Variants in SMURF1 observed in about 807,000 individuals in gnomAD.
SMURF1 encodes E3 ubiquitin-protein ligase SMURF1.
A neutral mutation model predicts 98.0 loss-of-function variants in SMURF1; 44 were observed. The observed-to-expected ratio is 0.45, with a 90% CI of 0.35 to 0.58. SMURF1 has a LOEUF of 0.58. Among genes scored for constraint, SMURF1 ranks in the 20% least tolerant of loss-of-function variants. The pLI is 0.00. For missense variants in SMURF1, 687 were observed against 938.4 expected, an observed-to-expected ratio of 0.73 and a Z score of 3.50; for synonymous variants, 396 against 374.9, an observed-to-expected ratio of 1.06 and a Z score of -0.65.
chr7:99,136,857 G>T (rs1036834304), intron 1 of SMURF1, among the ~76,000 whole-genome samples: 1 of 152,090 alleles, frequency 6.6e-6, no homozygotes, highest in African/African-American at 2.4e-5. Context: ...GGCTGAGGTG[G>T]GAGGATCACT....
intron 1 of SMURF1, among the ~76,000 whole-genome samples, chr7:99,134,077 GA>G (rs1310657587): frequency 6.8e-6 from 1 of 146,774 alleles, no homozygotes; most frequent in African/African-American, 2.5e-5. Context: ...TCTAGATCAG[GA>G]AAAGTGCTTC....
At position 99,039,193 on chromosome 7, in the gene SMURF1, CAAAAAAAAAA is replaced by C. The variant is rs34106810; in HGVS notation, c.1551-678_1551-669del. On this transcript the variant is annotated intron_variant, in intron 13 of 17. Coordinates refer to ENST00000361368, the MANE Select transcript of SMURF1 (RefSeq NM_181349.3). ...TGGGTGACAGAGCAAGACTCTGTCTCAAAAAAAAAAAAAAAAAAAAAAAAAAATACTGTTC... is the reference window on the plus strand; with the variant it reads ...TGGGTGACAGAGCAAGACTCTGTCTCAAAAAAAAAAAAAAAAATACTGTTC... Among the ~76,000 whole-genome samples, 213 of 60,494 alleles carry C rather than the reference CAAAAAAAAAA, an allele frequency of 3.5e-3. 8 individuals are homozygous for C. The South Asian group carries it at 0.12, about 34-fold the overall frequency. The allele number at this position is 60,494 out of a possible 152,430, so 39.7% of individuals were successfully genotyped here. A position where few individuals can be genotyped will look rare whatever the true frequency, so the allele number is the denominator to read the frequency against.
chr7:99,078,838 G>A (rs1227869839), intron 1 of SMURF1, among the ~76,000 whole-genome samples: 2 of 152,210 alleles, frequency 1.3e-5, no homozygotes, highest in African/African-American at 4.8e-5. Context: ...ATGGTGAGTT[G>A]TAGAATTATT....
chr7:99,067,458 T>C (rs1267379948), intron 1 of SMURF1, among the ~76,000 whole-genome samples: 2 of 152,164 alleles, frequency 1.3e-5, no homozygotes, highest in Non-Finnish European at 2.9e-5. Context: ...CCCCTCTACC[T>C]TAGCCAGATC....
At chr7:99,066,630 T>C (rs1046125615) in intron 1 of SMURF1, among the ~76,000 whole-genome samples, 1 of 151,622 alleles carries the variant, frequency 6.6e-6, no homozygotes, top group African/African-American at 2.4e-5. Context: ...ATACAAAAAT[T>C]AGCCAGGCAA....
In SMURF1 at chr7:99,029,887, C is replaced by T. The variant is rs1403891008; in HGVS notation, c.*697G>A. The T allele has an allele frequency of 6.6e-6, 1 of 152,148 alleles. No homozygotes were observed. Among genetic ancestry groups the T allele is most frequent in the Non-Finnish European group, 1.5e-5 (1 of 68,018 alleles). 9.4% of individuals were successfully genotyped at this position (152,148 alleles called of 1,614,324 possible). A position where few individuals can be genotyped will look rare whatever the true frequency, so the allele number is the denominator to read the frequency against. On this transcript the variant is annotated 3_prime_UTR_variant, in exon 18 of 18. Coordinates refer to ENST00000361368, the MANE Select transcript of SMURF1 (RefSeq NM_181349.3). ...GGGACCCTTAAAAGATCGTTTTTCT[C>T]TATGTAAAACAAAATTTTCAGCCAA...
intron 1 of SMURF1, among the ~76,000 whole-genome samples, chr7:99,073,141 G>C (rs950458129): frequency 6.6e-6 from 1 of 152,242 alleles, no homozygotes; most frequent in South Asian, 2.1e-4. Flanking sequence ...AGTCTGGGAG[G>C]CCGAGGCGGG....
chr7:99,096,164 G>A (rs886085294), intron 1 of SMURF1, among the ~76,000 whole-genome samples: 2 of 152,146 alleles, frequency 1.3e-5, no homozygotes, highest in Non-Finnish European at 2.9e-5. Context: ...TGACCAGGAC[G>A]CCTAAATCAT....
chr7:99,034,322 GGCTAAA>G (rs1366218219), intron 16 of SMURF1, among the ~76,000 whole-genome samples: 4 of 152,200 alleles, frequency 2.6e-5, no homozygotes, highest in Non-Finnish European at 4.4e-5. Flanking sequence ...GAGGACACTG[GGCTAAA>G]GTCTATCCAA....
chr7:99,097,181 T>C (rs1368629269), intron 1 of SMURF1, among the ~76,000 whole-genome samples: 3 of 152,136 alleles, frequency 2.0e-5, no homozygotes, highest in African/African-American at 7.2e-5. Context: ...AAATCAGGCA[T>C]CTAAGCTTCT....
chr7:99,140,602 T>C, intron 1 of SMURF1, among the ~76,000 whole-genome samples: 1 of 152,064 alleles, frequency 6.6e-6, no homozygotes, highest in East Asian at 1.9e-4. Flanking sequence ...TTTGTATTTC[T>C]AGTAGAGACG....
At chr7:99,127,231 T>A (rs1563041496) in intron 1 of SMURF1, among the ~76,000 whole-genome samples, 1 of 152,046 alleles carries the variant, frequency 6.6e-6, no homozygotes, top group Non-Finnish European at 1.5e-5. Flanking sequence ...CGCAGGCAGA[T>A]CAGGAGGTAA....
chr7:99,031,297 T>G (rs2150486863), intron 17 of SMURF1: 1 of 152,288 alleles, frequency 6.6e-6, no homozygotes, highest in South Asian at 2.1e-4. Flanking sequence ...AGATGACAGA[T>G]CCTTAAAAGA....
At chr7:99,035,059 G>C (rs760894209) in intron 16 of SMURF1, among the ~76,000 whole-genome samples, 2 of 152,218 alleles carry the variant, frequency 1.3e-5, no homozygotes, top group African/African-American at 4.8e-5. Context: ...CACTTCCGGC[G>C]ACCTCAGTGG....
chr7:99,087,858 T>C (rs900534694), intron 1 of SMURF1, among the ~76,000 whole-genome samples: 2 of 152,076 alleles, frequency 1.3e-5, no homozygotes, highest in African/African-American at 4.8e-5. Context: ...AATCATGAAA[T>C]AATTATTTGT....
chr7:99,065,700 A>G (rs972422905), intron 1 of SMURF1, among the ~76,000 whole-genome samples: 5 of 152,074 alleles, frequency 3.3e-5, no homozygotes, highest in Admixed American at 2.0e-4. Flanking sequence ...CTGACTAGAA[A>G]CCTAGTCCTC....
At chr7:99,052,794 G>T (rs536474713) in intron 6 of SMURF1, among the ~76,000 whole-genome samples, 1 of 152,300 alleles carries the variant, frequency 6.6e-6, no homozygotes, top group South Asian at 2.1e-4. Context: ...GGCCAGATGC[G>T]GTGGCTCACG....
chr7:99,067,774 A>C (rs1796229807), intron 1 of SMURF1, among the ~76,000 whole-genome samples: 1 of 152,124 alleles, frequency 6.6e-6, no homozygotes, highest in Admixed American at 6.5e-5. Context: ...CAGCATGGTG[A>C]AATCCTGTCT....
chr7:99,085,847 G>A (rs965095454), intron 1 of SMURF1, among the ~76,000 whole-genome samples: 2 of 152,142 alleles, frequency 1.3e-5, no homozygotes, highest in African/African-American at 4.8e-5. Context: ...GAATCATATA[G>A]TATATATCCT....
Sources: gnomAD v4.1 joint callset for allele counts (sites outside exome capture counted in the v4.1 genomes callset) on GRCh38, gnomAD v4.1.1 for gene constraint, MANE v1.5 for transcripts, NCBI Gene and HGNC (gene_info 2026-07-23, HGNC 2026-07-21) for gene names.